Variants in TYR observed in about 807,000 individuals in gnomAD.
TYR encodes the protein tyrosinase.
TYR carries 58 observed loss-of-function variants against 51.5 expected under a neutral mutation model. The observed-to-expected ratio is 1.13, with a 90% confidence interval of 0.91 to 1.40. The LOEUF (loss-of-function observed/expected upper bound fraction) is 1.40, where lower values mean the gene tolerates loss of function less well. Ranked by LOEUF, TYR falls within the 40% of genes most tolerant of loss-of-function variation. The probability of loss-of-function intolerance (pLI) is 0.00; values close to 1 mark genes in which losing one functional copy is unlikely to be tolerated. For synonymous variants in TYR, 263 were observed against 235.2 expected, an observed-to-expected ratio of 1.12 and a Z score of -1.08; for missense variants, 732 against 647.4, an observed-to-expected ratio of 1.13 and a Z score of -1.42.
At chr11:89,207,173 A>C (rs1441590110) in intron 2 of TYR, among the ~76,000 whole-genome samples, 1 of 152,152 alleles carries the variant, frequency 6.6e-6, no homozygotes, top group Non-Finnish European at 1.5e-5. Flanking sequence ...CAGGATATGA[A>C]TATAACAAGC....
chr11:89,207,035 A>G (rs1251139048), intron 2 of TYR, among the ~76,000 whole-genome samples: 1 of 152,086 alleles, frequency 6.6e-6, no homozygotes, highest in African/African-American at 2.4e-5. Context: ...TAAAGTCTCA[A>G]GTCAGTAATA....
At chr11:89,251,887 T>C (rs1363588152) in intron 3 of TYR, among the ~76,000 whole-genome samples, 2 of 151,764 alleles carry the variant, frequency 1.3e-5, no homozygotes, top group East Asian at 1.9e-4. Flanking sequence ...ATCATTGAAA[T>C]GTAATTACCT....
intron 2 of TYR, among the ~76,000 whole-genome samples, chr11:89,202,993 C>T (rs1001157439): frequency 2.0e-5 from 3 of 152,032 alleles, no homozygotes; most frequent in African/African-American, 4.8e-5. Flanking sequence ...TGATCATTAG[C>T]CTTTGATTCA....
In TYR at chr11:89,178,038, A is replaced by C. The variant is rs1943246537; in HGVS notation, c.85A>C (p.Asn29His). Residue 29 changes from asparagine (N) to histidine (H), a missense_variant, in exon 1 of 5, where the codon AAC becomes CAC. By Grantham distance (68) the Asn-to-His change is moderately conservative (BLOSUM62 1). Coordinates refer to ENST00000263321, the MANE Select transcript of TYR (RefSeq NM_000372.5). ...CCCTAGAGCCTGTGTCTCCTCTAAGAACCTGATGGAGAAGGAATGCTGTCC... is the reference window on the plus strand; with the variant it reads ...CCCTAGAGCCTGTGTCTCCTCTAAGCACCTGATGGAGAAGGAATGCTGTCC... ...HFPRACVSSK[N>H]LMEKECCPPW... The C allele has an allele frequency of 6.2e-7, 1 of 1,614,044 alleles. No homozygotes were observed. The highest frequency in any genetic ancestry group is 8.5e-7 in the Non-Finnish European group (1 of 1,180,034).
chr11:89,281,283 G>T (rs1590899324), intron 3 of TYR, among the ~76,000 whole-genome samples: 2 of 151,778 alleles, frequency 1.3e-5, no homozygotes, highest in Non-Finnish European at 1.5e-5. Flanking sequence ...CTGGGATAAG[G>T]CTCTAACAAT....
chr11:89,192,125 T>C (rs993445944), intron 2 of TYR: 14 of 325,806 alleles, frequency 4.3e-5, no homozygotes, highest in African/African-American at 3.2e-4. Flanking sequence ...CATCAGAGAT[T>C]ACATCTCATG....
intron 3 of TYR, among the ~76,000 whole-genome samples, chr11:89,269,334 G>C (rs186438170): frequency 1.3e-5 from 2 of 152,016 alleles, no homozygotes; most frequent in East Asian, 3.9e-4. Context: ...GATTCATCTT[G>C]ACTACTGTGG....
At chr11:89,270,387 T>C (rs1469621344) in intron 3 of TYR, among the ~76,000 whole-genome samples, 1 of 151,926 alleles carries the variant, frequency 6.6e-6, no homozygotes, top group Non-Finnish European at 1.5e-5. Flanking sequence ...TTCTCTTTTT[T>C]CCCAAGGCAT....
At chr11:89,186,955 G>A (rs980888835) in intron 1 of TYR, among the ~76,000 whole-genome samples, 1 of 152,160 alleles carries the variant, frequency 6.6e-6, no homozygotes, top group East Asian at 1.9e-4. Context: ...CAAGACATAA[G>A]AGAGGCCTCA....
At chr11:89,238,042 G>A (rs1944141693) in intron 3 of TYR, among the ~76,000 whole-genome samples, 2 of 151,816 alleles carry the variant, frequency 1.3e-5, no homozygotes, top group Non-Finnish European at 2.9e-5. Context: ...CACCATGTTG[G>A]CCAGGCTGGT....
chr11:89,244,418 C>T (rs10830249), intron 3 of TYR, among the ~76,000 whole-genome samples: 32 of 151,784 alleles, frequency 2.1e-4, no homozygotes, highest in Non-Finnish European at 3.5e-4. Context: ...CTGCTTATGG[C>T]GAGAACCATG....
chr11:89,185,474 C>A (rs1165527831), intron 1 of TYR, among the ~76,000 whole-genome samples: 1 of 152,026 alleles, frequency 6.6e-6, no homozygotes, highest in African/African-American at 2.4e-5. Context: ...CAACAGGGTG[C>A]TAGAAACTGT....
chr11:89,184,714 A>T (rs1296590850), intron 1 of TYR, among the ~76,000 whole-genome samples: 5 of 152,176 alleles, frequency 3.3e-5, no homozygotes, highest in African/African-American at 9.7e-5. Context: ...AGTACAGTTT[A>T]AAAAAATTGA....
At chr11:89,262,847 C>CAAAA (rs771958187) in intron 3 of TYR, among the ~76,000 whole-genome samples, 287 of 19,176 alleles carry the variant, frequency 0.015, 1 homozygote, top group African/African-American at 0.023. Flanking sequence ...GCTACTCATC[C>CAAAA]AAAAAAAAAA....
chr11:89,226,126 A>G (rs1247638181), intron 2 of TYR, among the ~76,000 whole-genome samples: 1 of 152,022 alleles, frequency 6.6e-6, no homozygotes, highest in Non-Finnish European at 1.5e-5. Context: ...ACTCAGAGAT[A>G]AAATCTTGAA....
chr11:89,274,647 T>C (rs563366483), intron 3 of TYR, among the ~76,000 whole-genome samples: 39 of 151,850 alleles, frequency 2.6e-4, no homozygotes, highest in Non-Finnish European at 4.4e-4. Context: ...CTCACAAAAA[T>C]CAATAACAGG....
chr11:89,233,870 A>ATGGCCC (rs59508694), intron 3 of TYR, among the ~76,000 whole-genome samples: 56,672 of 141,158 alleles, frequency 0.4, 17,409 homozygotes, highest in African/African-American at 0.72. Context: ...GTATTTCATA[A>ATGGCCC]TGGGAGTTTC....
rs922632782 is a variant in TYR at position 89,234,674 on chromosome 11, G to A, written c.1184+6704G>A. ...ATAGGGAGGCCCAAGGAGAGGGAGA[G>A]ATTCAGGGGAGTGGCTGGTCAGTGG... On this transcript the variant is annotated intron_variant, in intron 3 of 4. Transcript: ENST00000263321. Among the ~76,000 whole-genome samples the A allele has an allele frequency of 5.5e-5, 6 of 109,732 alleles. 1 individual carries two copies. Among genetic ancestry groups the A allele is most frequent in the African/African-American group, 2.7e-4 (6 of 22,456 alleles). 72.0% of individuals were successfully genotyped at this position (109,732 alleles called of 152,430 possible). A position where few individuals can be genotyped will look rare whatever the true frequency, so the allele number is the denominator to read the frequency against.
At chr11:89,285,912 G>A (rs778688850) in intron 4 of TYR, among the ~76,000 whole-genome samples, 5 of 151,566 alleles carry the variant, frequency 3.3e-5, no homozygotes, top group Non-Finnish European at 4.4e-5. Context: ...ATGTTTCATT[G>A]CATTCATTGA....
Sources: gnomAD v4.1 joint callset for allele counts (sites outside exome capture counted in the v4.1 genomes callset) on GRCh38, gnomAD v4.1.1 for gene constraint, MANE v1.5 for transcripts, NCBI Gene and HGNC (gene_info 2026-07-23, HGNC 2026-07-21) for gene names.